The following LBP variants were observed in gnomAD, a reference collection of about 807,000 sequenced individuals.
LBP encodes lipopolysaccharide binding protein.
LBP carries 53 observed loss-of-function variants against 56.6 expected under a neutral mutation model. That is an observed-to-expected ratio of 0.94 (90% CI 0.75 to 1.18). LBP has a LOEUF of 1.18. Ranked by LOEUF, LBP falls within the 50% of genes most tolerant of loss-of-function variation. The pLI is 0.00. For synonymous variants in LBP, 227 were observed against 247.5 expected, an observed-to-expected ratio of 0.92 and a Z score of 0.78; for missense variants, 601 against 598.3, an observed-to-expected ratio of 1.00 and a Z score of -0.05.
At chr20:38,371,161 C>A in intron 11 of LBP, 119 bp from the exon 12 acceptor site, 1 of 730,100 alleles carries the variant, frequency 1.4e-6, no homozygotes, top group Admixed American at 2.5e-5. Context: ...CACTCCTGCT[C>A]CCGCCCTACC....
intron 2 of LBP, among the ~76,000 whole-genome samples, chr20:38,349,884 G>A (rs1003077054): frequency 2.0e-5 from 3 of 152,164 alleles, no homozygotes; most frequent in Non-Finnish European, 4.4e-5. Context: ...TACTGGCTGT[G>A]TGATCTGAGC....
intron 5 of LBP, among the ~76,000 whole-genome samples, chr20:38,358,667 C>T (rs1456634377): frequency 1.3e-5 from 2 of 152,180 alleles, no homozygotes; most frequent in African/African-American, 4.8e-5. Flanking sequence ...CCCTCCCAGC[C>T]CCCAGCGTCA....
In LBP at chr20:38,346,505, T is replaced by A; in HGVS notation, c.-12T>A. ...CTGGGACAGTCCTGGCCCACTGCAC[T>A]GGGAATCTAGGATGGGGGCCTTGGC... On this transcript the variant is annotated 5_prime_UTR_variant, in exon 1 of 15. Coordinates refer to ENST00000217407, the MANE Select transcript of LBP (RefSeq NM_004139.5). 1 of 1,613,306 alleles carries A rather than the reference T, an allele frequency of 6.2e-7. No homozygotes were observed. Among genetic ancestry groups the A allele is most frequent in the African/African-American group, 1.3e-5 (1 of 75,016 alleles).
At position 38,369,705 on chromosome 20, in the gene LBP, C is replaced by G. The variant is rs970456784; in HGVS notation, c.1149+543C>G. Among the ~76,000 whole-genome samples, 3 of 152,202 alleles carry G rather than the reference C, an allele frequency of 2.0e-5. No individual in the cohort carries two copies. The East Asian group carries it at 5.8e-4, about 29-fold the overall frequency. On this transcript the variant is annotated intron_variant, in intron 10 of 14. Coordinates refer to ENST00000217407, the MANE Select transcript of LBP (RefSeq NM_004139.5). ...GGTGACTTCCATAATTCCACCTCCA[C>G]TCTTTGTTCCTCTAGTCCTGGGGTG...
chr20:38,366,688 T>A, intron 8 of LBP, 81 bp from the exon 9 acceptor site: 1 of 1,289,364 alleles, frequency 7.8e-7, no homozygotes, highest in South Asian at 1.2e-5. Flanking sequence ...GTCTTGCACA[T>A]CCCCCTGTCT....
chr20:38,355,270 C>G (rs2232590), intron 4 of LBP, 76 bp from the exon 5 acceptor site: 206,400 of 1,353,330 alleles, frequency 0.15, 16,476 homozygotes, highest in South Asian at 0.21. Context: ...ACTGGCCTGA[C>G]CAGGGACCAG....
chr20:38,353,389 A>G (rs2076827145), intron 3 of LBP, among the ~76,000 whole-genome samples: 1 of 148,368 alleles, frequency 6.7e-6, no homozygotes, highest in South Asian at 2.1e-4. Flanking sequence ...AATAGACCAC[A>G]TTTTGCCCCA....
At chr20:38,367,007 A>G (rs550653433) in intron 9 of LBP, among the ~76,000 whole-genome samples, 179 bp downstream of exon 9, 5 of 152,272 alleles carry the variant, frequency 3.3e-5, no homozygotes, top group Non-Finnish European at 7.4e-5. Context: ...CACGCCCCAT[A>G]TCTTGTGGGA....
chr20:38,368,887 A>C, intron 9 of LBP, 108 bp from the exon 10 acceptor site: 1 of 1,173,824 alleles, frequency 8.5e-7, no homozygotes, highest in Non-Finnish European at 1.2e-6. Context: ...TTTGTTGGAA[A>C]TAAAATCAAT....
At chr20:38,362,749 G>T (rs370421333) in intron 6 of LBP, among the ~76,000 whole-genome samples, 2 of 150,904 alleles carry the variant, frequency 1.3e-5, no homozygotes, top group African/African-American at 2.4e-5. Flanking sequence ...GGAGTTCAAG[G>T]CCAGCCCGGG....
intron 6 of LBP, among the ~76,000 whole-genome samples, chr20:38,362,053 CTTTTTT>C (rs1229689650): frequency 1.7e-5 from 2 of 117,672 alleles, no homozygotes; most frequent in Non-Finnish European, 1.8e-5. Context: ...TTTTTGTTTT[CTTTTTT>C]TTTTTTTTTT....
intron 6 of LBP, 53 bp downstream of exon 6, chr20:38,360,820 G>C: frequency 4.5e-6 from 6 of 1,345,464 alleles, no homozygotes; most frequent in South Asian, 1.2e-5. Context: ...ATTTCTATAA[G>C]AGCATATATA....
At chr20:38,372,712 G>A (rs2076904829) in intron 12 of LBP, among the ~76,000 whole-genome samples, 1 of 152,052 alleles carries the variant, frequency 6.6e-6, no homozygotes, top group Non-Finnish European at 1.5e-5. Flanking sequence ...GGGGTTAGAA[G>A]TTGTGTTTCA....
At chr20:38,348,658 T>C (rs2076809245) in intron 1 of LBP, among the ~76,000 whole-genome samples, 1 of 152,198 alleles carries the variant, frequency 6.6e-6, no homozygotes, top group South Asian at 2.1e-4. Flanking sequence ...ACTGAGTGCC[T>C]GCTGTGTGTC....
chr20:38,376,868 T>C lies in LBP; in HGVS notation c.*199T>C, dbSNP rs1160423734. ...GCCCTCTCTGAGTCTGGACTTTGCT[T>C]CCCCTCCAGGAGGGACCACCCTCCC... On this transcript the variant is annotated 3_prime_UTR_variant, in exon 15 of 15. Coordinates refer to ENST00000217407, the MANE Select transcript of LBP (RefSeq NM_004139.5). The C allele has an allele frequency of 4.3e-6, 3 of 701,280 alleles. No homozygotes were observed. Among genetic ancestry groups the C allele is most frequent in the Non-Finnish European group, 7.8e-6 (3 of 384,032 alleles). 43.4% of individuals were successfully genotyped at this position (701,280 alleles called of 1,614,324 possible).
At chr20:38,366,859 A>G in intron 9 of LBP, 31 bp downstream of exon 9, 3 of 1,591,096 alleles carry the variant, frequency 1.9e-6, no homozygotes, top group South Asian at 1.1e-5. Flanking sequence ...CCATGAGTGC[A>G]GACCGAGCCT....
At position 38,374,024 on chromosome 20, in the gene LBP, T is replaced by C. The variant is rs762353733; in HGVS notation, c.1401+11T>C. The C allele has an allele frequency of 6.2e-7, 1 of 1,613,400 alleles. No homozygotes were observed. Among genetic ancestry groups the C allele is most frequent in the Non-Finnish European group, 8.5e-7 (1 of 1,179,454 alleles). ...CTGCAGATCCATAAGGTCGGTGGGT[T>C]CAGGGGGGCTCTGAGGATGTGTGAG... On this transcript the variant is annotated intron_variant, in intron 14 of 14. Transcript: ENST00000217407.
chr20:38,354,787 G>C (rs988007043), intron 4 of LBP, among the ~76,000 whole-genome samples: 2 of 152,218 alleles, frequency 1.3e-5, no homozygotes, highest in African/African-American at 4.8e-5. Context: ...CAGTTTCCTT[G>C]ATTAGAAAAG....
chr20:38,352,485 T>G (rs2076823817), intron 3 of LBP, among the ~76,000 whole-genome samples: 1 of 152,226 alleles, frequency 6.6e-6, no homozygotes, highest in African/African-American at 2.4e-5. Flanking sequence ...CTGAGCACGG[T>G]GGCTCATGCC....
Sources: allele counts gnomAD v4.1 joint callset (sites outside exome capture counted in the v4.1 genomes callset), GRCh38; gene constraint gnomAD v4.1.1; transcripts MANE v1.5; gene names NCBI Gene and HGNC (gene_info 2026-07-23, HGNC 2026-07-21).